NBEAL2: variants seen among roughly 807,000 people sequenced by gnomAD.
NBEAL2 encodes neurobeachin like 2, also known as neurobeachin-like protein 2.
Under a neutral mutation model 299.8 loss-of-function variants are expected in NBEAL2, and 160 were observed. That is an observed-to-expected ratio of 0.53 (90% CI 0.47 to 0.61). NBEAL2 has a LOEUF of 0.61. Among genes scored for constraint, NBEAL2 ranks in the 20% least tolerant of loss-of-function variants. The probability of loss-of-function intolerance (pLI) is 0.00; values close to 1 mark genes in which losing one functional copy is unlikely to be tolerated. For missense variants in NBEAL2, 3,112 were observed against 3,649.0 expected (o/e 0.85, Z 3.79); for synonymous variants, 1,493 against 1,542.3 (o/e 0.97, Z 0.75).
At chr3:46,981,543 G>C (rs1224514191) in intron 1 of NBEAL2, among the ~76,000 whole-genome samples, 1 of 152,168 alleles carries the variant, frequency 6.6e-6, no homozygotes, top group Non-Finnish European at 1.5e-5. Flanking sequence ...ACCAGAGAAG[G>C]CTCCTGTTTT....
At position 46,991,467 on chromosome 3, in the gene NBEAL2, G is replaced by A. The variant is rs920599182; in HGVS notation, c.704G>A (p.Gly235Asp). The change falls in exon 8 of 54, where the codon GGC becomes GAC. Residue 235 changes from glycine to aspartate, a missense_variant. Gly to Asp is a moderately conservative substitution (Grantham distance 94). Transcript: ENST00000450053. The surrounding 1 kb of genome is among the most constrained non-coding windows in gnomAD (Gnocchi z 6.2). ...SVKGLLSVVR[G>D]WSRGPAPDPC... is the part of the protein sequence containing the mutation. The stretch of plus-strand genomic sequence containing the variant: ...AAGGGCCTGCTGAGTGTGGTGCGGG[G>A]CTGGAGCCGTGGGCCAGCCCCGGAC... 5 of 1,612,500 alleles carry A rather than the reference G, an allele frequency of 3.1e-6. No homozygotes were observed. Among genetic ancestry groups the A allele is most frequent in the Non-Finnish European group, 4.2e-6 (5 of 1,179,642 alleles).
rs1280876261 is a variant in NBEAL2, at chr3:46,999,729, G to A, written c.3789+14G>A. ...ATCTGTCGCCAGGTGAGCATGAGAG[G>A]TAAAAGCTTTGGGGGAGGGGGAGGG... On this transcript the variant is annotated intron_variant, in intron 26 of 53. Coordinates refer to ENST00000450053, the MANE Select transcript of NBEAL2 (RefSeq NM_015175.3). 1.2e-6 allele frequency: 2 copies of A among 1,611,262 alleles called. No homozygotes were observed. The highest frequency in any genetic ancestry group is 1.3e-5 in the African/African-American group (1 of 74,844).
In NBEAL2 at chr3:46,999,388, G is replaced by T. The variant is rs1413646534; in HGVS notation, c.3617G>T (p.Gly1206Val). The T allele has an allele frequency of 6.2e-7, 1 of 1,604,254 alleles. No individual in the cohort carries two copies. Among genetic ancestry groups the T allele is most frequent in the Non-Finnish European group, 8.5e-7 (1 of 1,176,334 alleles). ...SRQRLRLREC[G>V]LQGLVACLPE... is the part of the protein sequence containing the mutation. ...CAGCGCCTCCGGCTGCGGGAGTGTG[G>T]TCTCCAGGGTCTGGTTGCCTGCTTG... The change falls in exon 25 of 54, where the codon GGT becomes GTT. Residue 1206 changes from glycine to valine, a missense_variant. Transcript: ENST00000450053.
rs1320380958 is a variant in NBEAL2 at position 47,006,449 on chromosome 3, G to A, written c.7134G>A (p.Glu2378=). The A allele has an allele frequency of 6.4e-7, 1 of 1,571,904 alleles. No individual in the cohort carries two copies. The highest frequency in any genetic ancestry group is 8.6e-7 in the Non-Finnish European group (1 of 1,158,186). The change falls in exon 45 of 54, where the codon GAG becomes GAA. Residue 2378 remains glutamate (E), a splice_region_variant and synonymous_variant. Transcript: ENST00000450053. The part of the protein sequence containing the change: ...HLDELKAFFA[E]VVSDGVPLVL... ...ACGAACTCAAGGCATTCTTCGCAGA[G>A]GTGAAAGGAAGACAAGACCTCAACT...
rs1033395094 is a variant in NBEAL2 at position 47,009,443 on chromosome 3, C to T, written c.*123C>T. On this transcript the variant is annotated 3_prime_UTR_variant, in exon 54 of 54. Transcript: ENST00000450053. ...AGGGGGGTGAGCGGGGCCCACCCTG[C>T]CCAGCTCAGGGATTGGCGGGCGATG... 2.3e-6 allele frequency: 2 copies of T among 876,740 alleles called. No individual in the cohort carries two copies. Among genetic ancestry groups the T allele is most frequent in the Non-Finnish European group, 3.5e-6 (2 of 564,162 alleles). 54.3% of individuals were successfully genotyped at this position (876,740 alleles called of 1,614,324 possible).
Position 47,002,277 on chromosome 3 carries a change from A to G in NBEAL2, c.5140A>G (p.Ile1714Val), listed in dbSNP as rs1233183335. ...FCATPEWRHF[I>V]DKQVQPTMSQ... ...TGCCACACCCGAATGGCGCCACTTC[A>G]TCGACAAACAGGTGCCTGGAGGTTG... The change falls in exon 31 of 54, where the codon ATC becomes GTC. Residue 1714 changes from isoleucine to valine, a missense_variant. By Grantham distance (29) the Ile-to-Val change is conservative. Coordinates refer to ENST00000450053, the MANE Select transcript of NBEAL2 (RefSeq NM_015175.3). 1 of 1,569,742 alleles carries G rather than the reference A, an allele frequency of 6.4e-7. No individual in the cohort carries two copies. Among genetic ancestry groups the G allele is most frequent in the Non-Finnish European group, 8.7e-7 (1 of 1,155,726 alleles).
Position 46,989,453 on chromosome 3 carries a change from G to A in NBEAL2, c.474-58G>A. The A allele has an allele frequency of 1.9e-6, 3 of 1,565,110 alleles. No homozygotes were observed. The highest frequency in any genetic ancestry group is 2.6e-6 in the Non-Finnish European group (3 of 1,154,876). Reference sequence around the variant, plus strand: ...GGATGGCCGCGCTGGGCCCAAGGAGGGGTGACGGCCAGGAGTGGTGAGAGC... The same window carrying A: ...GGATGGCCGCGCTGGGCCCAAGGAGAGGTGACGGCCAGGAGTGGTGAGAGC... On this transcript the variant is annotated intron_variant, in intron 5 of 53. Coordinates refer to ENST00000450053, the MANE Select transcript of NBEAL2 (RefSeq NM_015175.3). This position sits in a 1 kb window ranked among gnomAD's most constrained non-coding sequence, Gnocchi z 5.5.
Position 47,009,563 on chromosome 3 carries a change from A to C in NBEAL2, c.*243A>C. ...CACTGGCGTCTGCGGCCGCAGCAGC[A>C]CTTTTTGCACAGTCTGGGGCGGGGT... is the stretch of plus-strand genomic sequence containing the variant. On this transcript the variant is annotated 3_prime_UTR_variant, in exon 54 of 54. Coordinates refer to ENST00000450053, the MANE Select transcript of NBEAL2 (RefSeq NM_015175.3). The C allele has an allele frequency of 1.8e-6, 1 of 544,316 alleles. No homozygotes were observed. The highest frequency in any genetic ancestry group is 3.2e-6 in the Non-Finnish European group (1 of 307,882). The allele number at this position is 544,316 out of a possible 1,614,324, so 33.7% of individuals were successfully genotyped here.
At chr3:47,008,905 G>T in intron 52 of NBEAL2, 84 bp from the exon 53 acceptor site, 2 of 1,555,852 alleles carry the variant, frequency 1.3e-6, no homozygotes, top group African/African-American at 1.3e-5. Flanking sequence ...TGAGGACAGA[G>T]AGGGTATATG....
In NBEAL2 at chr3:46,999,995, C is replaced by T. The variant is rs779202596; in HGVS notation, c.3896C>T (p.Ala1299Val). The change falls in exon 27 of 54, where the codon GCC (alanine) becomes GTC (valine). Residue 1299 changes from alanine to valine, a missense_variant. Physicochemically the swap from Ala to Val is moderately conservative, Grantham distance 64. This residue lies in a region of NBEAL2 where 2,243 missense variants were observed against 2,538.1 expected (regional missense o/e 0.88). Transcript: ENST00000450053. The part of the protein sequence containing the change: ...TRLYVLEAAT[A>V]GSPPPSSPES... Reference sequence around the variant, plus strand: ...CTATATGTCCTGGAGGCTGCCACAGCCGGCAGCCCCCCTCCGTCTTCCCCA... The same window carrying T: ...CTATATGTCCTGGAGGCTGCCACAGTCGGCAGCCCCCCTCCGTCTTCCCCA... 2 of 1,612,016 alleles carry T rather than the reference C, an allele frequency of 1.2e-6. No homozygotes were observed. The highest frequency in any genetic ancestry group is 1.7e-6 in the Non-Finnish European group (2 of 1,179,820).
In NBEAL2 at chr3:46,991,805, G is replaced by T; in HGVS notation, c.926-35G>T. The T allele has an allele frequency of 6.4e-7, 1 of 1,569,148 alleles. No homozygotes were observed. The highest frequency in any genetic ancestry group is 8.6e-7 in the Non-Finnish European group (1 of 1,156,578). The stretch of plus-strand genomic sequence containing the variant: ...GGAAGGCTTAAGGCTGCCTAGAGGG[G>T]TCTGGGCAGGGCCTGACCCTTGACC... On this transcript the variant is annotated intron_variant, in intron 8 of 53. Transcript: ENST00000450053. This position sits in a 1 kb window ranked among gnomAD's most constrained non-coding sequence, Gnocchi z 6.2.
chr3:47,004,500 G>A lies in NBEAL2; in HGVS notation c.6204G>A (p.Trp2068Ter), dbSNP rs2037277429. ...TTGTCTGCCCCTGTCCCCAGAAATG[G>A]GTACAGCGTGAGATATCCAACTTCG... ...MLRASGLTQKWVQREISNFEY... is the reference protein window; with the variant it reads ...MLRASGLTQK The change falls in exon 38 of 54, where the codon TGG becomes TGA. Residue 2068 changes from tryptophan (W) to a stop codon, truncating the protein, a stop_gained. Coordinates refer to ENST00000450053, the MANE Select transcript of NBEAL2 (RefSeq NM_015175.3). LOFTEE classifies it high-confidence loss of function. The surrounding 1 kb of genome is among the most constrained non-coding windows in gnomAD (Gnocchi z 5.0). 6.2e-7 allele frequency: 1 copy of A among 1,613,496 alleles called. No homozygotes were observed. The highest frequency in any genetic ancestry group is 1.3e-5 in the African/African-American group (1 of 74,878).
At position 46,995,148 on chromosome 3, in the gene NBEAL2, A is replaced by G; in HGVS notation, c.1413A>G (p.Leu471=). 1.3e-6 allele frequency: 2 copies of G among 1,574,494 alleles called. No individual in the cohort carries two copies. The highest frequency in any genetic ancestry group is 1.7e-6 in the Non-Finnish European group (2 of 1,160,472). The stretch of plus-strand genomic sequence containing the variant: ...CCACCGCTGAGCTGCGGCTCTTCCT[A>G]GCGCAACGCCTCAGGTGGCTCTGTG... ...SLPTAELRLF[L]AQRLRWLCDS... The change falls in exon 13 of 54, where the codon CTA becomes CTG. Residue 471 remains leucine (L), a synonymous_variant. Transcript: ENST00000450053.
Position 46,989,307 on chromosome 3 carries a change from T to G in NBEAL2, c.399T>G (p.Asn133Lys). 6.2e-7 allele frequency: 1 copy of G among 1,605,774 alleles called. No homozygotes were observed. Among genetic ancestry groups the G allele is most frequent in the Non-Finnish European group, 8.5e-7 (1 of 1,176,184 alleles). ...AGGGCCGAGGCACGCAGTTGGAGAA[T>G]GTGGCCCTACATGCTCTGCTTCTCT... ...PPQGRGTQLE[N>K]VALHALLLCE... Residue 133 changes from asparagine to lysine, a missense_variant, in exon 5 of 54, where the codon AAT (asparagine) becomes AAG (lysine). Around this residue, in one of 3 missense-constraint regions of NBEAL2, gnomAD observed 2,243 missense variants for 2,538.1 expected, o/e 0.88. Transcript: ENST00000450053. The surrounding 1 kb of genome is among the most constrained non-coding windows in gnomAD (Gnocchi z 5.5).
Position 46,998,133 on chromosome 3 carries a change from G to A in NBEAL2, c.3025G>A (p.Ala1009Thr). The change falls in exon 21 of 54, where the codon GCT becomes ACT. Residue 1009 changes from alanine (A) to threonine (T), a missense_variant. By Grantham distance (58) the Ala-to-Thr change is moderately conservative (BLOSUM62 0). This residue lies in a region of NBEAL2 where 2,243 missense variants were observed against 2,538.1 expected (regional missense o/e 0.88). Coordinates refer to ENST00000450053, the MANE Select transcript of NBEAL2 (RefSeq NM_015175.3). ...SAQLLMEQVA[A>T]EGSGPLLYLL... ...CCAGCTGCTGATGGAGCAGGTGGCA[G>A]CTGAGGGCAGCGGGCCCCTCCTGTA... 6.3e-7 allele frequency: 1 copy of A among 1,593,332 alleles called. No individual in the cohort carries two copies. The highest frequency in any genetic ancestry group is 8.5e-7 in the Non-Finnish European group (1 of 1,169,978).
intron 21 of NBEAL2, 80 bp downstream of exon 21, chr3:46,998,306 T>G (rs1329918725): frequency 2.8e-5 from 43 of 1,544,082 alleles, no homozygotes; most frequent in Non-Finnish European, 3.6e-5. Flanking sequence ...CTGGGGGATC[T>G]GAGGGACTCA....
At chr3:46,993,090 T>G (rs1042920023) in intron 10 of NBEAL2, among the ~76,000 whole-genome samples, 3 of 152,202 alleles carry the variant, frequency 2.0e-5, no homozygotes, top group Admixed American at 1.3e-4. Context: ...CCAACCTCCA[T>G]AGCCCCTACC....
At chr3:46,992,810 G>A (rs1437103154) in intron 10 of NBEAL2, among the ~76,000 whole-genome samples, 2 of 152,156 alleles carry the variant, frequency 1.3e-5, no homozygotes, top group East Asian at 1.9e-4. Flanking sequence ...TGGAACCTTC[G>A]AAACTCAGCC....
rs947839899 is a variant in NBEAL2 at position 46,988,163 on chromosome 3, T to C, written c.52-506T>C. ...CGCATGTCTGGGTCTGCCTGTCTAA[T>C]GGTACACGTGTGTCCTGGGATCCAC... is the stretch of plus-strand genomic sequence containing the variant. On this transcript the variant is annotated intron_variant, in intron 1 of 53. Coordinates refer to ENST00000450053, the MANE Select transcript of NBEAL2 (RefSeq NM_015175.3). This position sits in a 1 kb window ranked among gnomAD's most constrained non-coding sequence, Gnocchi z 4.4. 22 of 950,644 alleles carry C rather than the reference T, an allele frequency of 2.3e-5. No individual in the cohort carries two copies. Among genetic ancestry groups the C allele is most frequent in the Middle Eastern group, 2.7e-4 (1 of 3,768 alleles). 58.9% of individuals were successfully genotyped at this position (950,644 alleles called of 1,614,324 possible). A position where few individuals can be genotyped will look rare whatever the true frequency, so the allele number is the denominator to read the frequency against.
Sources: allele counts gnomAD v4.1 joint callset (sites outside exome capture counted in the v4.1 genomes callset), GRCh38; gene constraint gnomAD v4.1.1; regional missense constraint gnomAD v4.1.1; non-coding constraint Gnocchi (gnomAD v3.1); transcripts MANE v1.5; gene names NCBI Gene and HGNC (gene_info 2026-07-23, HGNC 2026-07-21).